MYO16: variants seen among roughly 807,000 people sequenced by gnomAD.
MYO16 encodes unconventional myosin-XVI.
MYO16 carries 94 observed loss-of-function variants against 205.3 expected under a neutral mutation model. That is an observed-to-expected ratio of 0.46 (90% CI 0.39 to 0.54). The LOEUF (loss-of-function observed/expected upper bound fraction) is 0.54, where lower values mean the gene tolerates loss of function less well. Ranked by LOEUF, MYO16 falls within the 20% of genes least tolerant of loss-of-function variation. The pLI, the probability that MYO16 is intolerant of heterozygous loss-of-function variation, is 0.00. For missense variants in MYO16, 2,315 were observed against 2,387.5 expected, an observed-to-expected ratio of 0.97 and a Z score of 0.63; for synonymous variants, 988 against 954.0, an observed-to-expected ratio of 1.04 and a Z score of -0.66.
chr13:109,177,817 C>T (rs888205625), intron 33 of MYO16, among the ~76,000 whole-genome samples: 2 of 152,144 alleles, frequency 1.3e-5, no homozygotes, highest in Non-Finnish European at 2.9e-5. Context: ...CACCCAGCCC[C>T]GACTTCTAAT....
At chr13:109,025,437 C>T (rs1886332997) in intron 23 of MYO16, among the ~76,000 whole-genome samples, 1 of 152,040 alleles carries the variant, frequency 6.6e-6, no homozygotes, top group Admixed American at 6.6e-5. Flanking sequence ...TTCCAATCAC[C>T]ATTACAGAAA....
At chr13:109,173,887 CAAAAAAAAAAAAA>C (rs778094207) in intron 33 of MYO16, among the ~76,000 whole-genome samples, 14 of 29,118 alleles carry the variant, frequency 4.8e-4, no homozygotes, top group African/African-American at 1.4e-3. Flanking sequence ...GACTCCATCT[CAAAAAAAAAAAAA>C]AAAAAAAAAA....
In MYO16 at chr13:108,860,248, A is replaced by C. The variant is rs530782714; in HGVS notation, c.1359+4695A>C. Among the ~76,000 whole-genome samples, 8 of 146,404 alleles carry C rather than the reference A, an allele frequency of 5.5e-5. No individual in the cohort carries two copies. In the East Asian group the frequency reaches 1.8e-3, roughly 33 times the overall value. ...TCCTATCATTTACCTCCCATTTATA[A>C]GGAGAACATGAGTTTGGTTTTCTGT... On this transcript the variant is annotated intron_variant, in intron 11 of 34. Coordinates refer to ENST00000457511, the MANE Select transcript of MYO16 (RefSeq NM_001198950.3).
At chr13:109,009,813 T>G (rs1050846145) in intron 22 of MYO16, among the ~76,000 whole-genome samples, 3 of 152,248 alleles carry the variant, frequency 2.0e-5, no homozygotes, top group African/African-American at 7.2e-5. Context: ...TTGTTCTTGC[T>G]TCTAACTTGT....
intron 10 of MYO16, among the ~76,000 whole-genome samples, chr13:108,845,991 G>A (rs944336386): frequency 3.9e-5 from 6 of 152,046 alleles, no homozygotes; most frequent in Non-Finnish European, 8.8e-5. Flanking sequence ...TTATAGGTGT[G>A]AGCCACCACA....
chr13:109,079,507 T>G (rs9559486), intron 27 of MYO16, among the ~76,000 whole-genome samples: 1 of 151,686 alleles, frequency 6.6e-6, no homozygotes, highest in South Asian at 2.1e-4. Flanking sequence ...AGCGAATTCA[T>G]GCAGGAACAG....
chr13:108,866,822 G>A (rs61971379), intron 12 of MYO16, among the ~76,000 whole-genome samples: 13,872 of 152,040 alleles, frequency 0.091, 805 homozygotes, highest in Non-Finnish European at 0.12. Context: ...GGCTGGTTCC[G>A]CTAATACAGA....
chr13:108,626,946 A>G (rs920019124), upstream of MYO16, among the ~76,000 whole-genome samples: 1 of 146,398 alleles, frequency 6.8e-6, no homozygotes, highest in Non-Finnish European at 1.5e-5. Context: ...ATATAAAAAT[A>G]TATATTGTAT....
At chr13:108,738,502 C>T (rs555097285) in intron 4 of MYO16, among the ~76,000 whole-genome samples, 3 of 152,172 alleles carry the variant, frequency 2.0e-5, no homozygotes, top group African/African-American at 4.8e-5. Context: ...GTCTGAGAGA[C>T]AGTTTGTTAC....
chr13:108,643,137 C>T (rs1254711120), intron 1 of MYO16, among the ~76,000 whole-genome samples: 1 of 152,216 alleles, frequency 6.6e-6, no homozygotes, highest in Non-Finnish European at 1.5e-5. Context: ...AAAGAGTTCC[C>T]TTGTGTCCTT....
intron 27 of MYO16, chr13:109,065,488 T>C (rs1477851874): frequency 7.2e-6 from 3 of 414,276 alleles, no homozygotes; most frequent in Middle Eastern, 4.3e-4. Context: ...TTTTTCAAAA[T>C]TGTAGAATTG....
At chr13:108,986,488 G>A (rs1884638964) in intron 20 of MYO16, among the ~76,000 whole-genome samples, 2 of 151,806 alleles carry the variant, frequency 1.3e-5, no homozygotes, top group Non-Finnish European at 2.9e-5. Flanking sequence ...TGTGTGTGGT[G>A]GCACATGCTT....
At chr13:109,157,500 G>A (rs1236993226) in intron 32 of MYO16, among the ~76,000 whole-genome samples, 1 of 152,008 alleles carries the variant, frequency 6.6e-6, no homozygotes, top group Non-Finnish European at 1.5e-5. Context: ...TCTTCCTCCT[G>A]CCTACACAAC....
chr13:108,554,423 T>A, the MYO16 span, among the ~76,000 whole-genome samples: 6 of 152,298 alleles, frequency 3.9e-5, no homozygotes, highest in Admixed American at 1.3e-4. Context: ...TCCAAATGCT[T>A]AAACCCTTAG....
chr13:108,744,488 C>T (rs768883171), intron 4 of MYO16, among the ~76,000 whole-genome samples: 1 of 152,132 alleles, frequency 6.6e-6, no homozygotes, highest in Non-Finnish European at 1.5e-5. Flanking sequence ...CTTTATTGTT[C>T]CTCTCACGTT....
At chr13:109,098,694 C>T (rs954596805) in intron 27 of MYO16, among the ~76,000 whole-genome samples, 1 of 152,148 alleles carries the variant, frequency 6.6e-6, no homozygotes, top group Non-Finnish European at 1.5e-5. Flanking sequence ...AGACCAGCAG[C>T]AGATCATCAA....
chr13:108,644,706 A>G (rs1262432921), intron 1 of MYO16, among the ~76,000 whole-genome samples: 2 of 152,174 alleles, frequency 1.3e-5, no homozygotes. Context: ...TGATTCAAGC[A>G]TAAATGACAT....
intron 1 of MYO16, among the ~76,000 whole-genome samples, chr13:108,602,393 G>A (rs1692961668): frequency 6.6e-6 from 1 of 152,038 alleles, no homozygotes; most frequent in African/African-American, 2.4e-5. Flanking sequence ...TGCACTCTTT[G>A]CTAGTCATTT....
chr13:109,034,121 G>A (rs1420310595), intron 23 of MYO16, among the ~76,000 whole-genome samples: 1 of 151,914 alleles, frequency 6.6e-6, no homozygotes, highest in African/African-American at 2.4e-5. Flanking sequence ...TCTCTTGAAA[G>A]TGCATACCTA....
Sources: gnomAD v4.1 joint callset for allele counts (sites outside exome capture counted in the v4.1 genomes callset) on GRCh38, gnomAD v4.1.1 for gene constraint, MANE v1.5 for transcripts, NCBI Gene and HGNC (gene_info 2026-07-23, HGNC 2026-07-21) for gene names.